CLOCK: variants seen among roughly 807,000 people sequenced by gnomAD.
CLOCK encodes the protein circadian locomoter output cycles protein kaput.
A neutral mutation model predicts 118.4 loss-of-function variants in CLOCK; 43 were observed. The observed-to-expected ratio is 0.36, with a 90% CI of 0.28 to 0.47. The LOEUF (loss-of-function observed/expected upper bound fraction) is 0.47, where lower values mean the gene tolerates loss of function less well. Among genes scored for constraint, CLOCK ranks in the 20% least tolerant of loss-of-function variants. CLOCK has a pLI of 1.00. For synonymous variants in CLOCK, 326 were observed against 339.2 expected (o/e 0.96, Z 0.43); for missense variants, 846 against 999.9 (o/e 0.85, Z 2.08).
intron 5 of CLOCK, 65 bp from the exon 6 acceptor site, chr4:55,479,028 A>G (rs1726734623): frequency 2.3e-6 from 3 of 1,323,346 alleles, no homozygotes; most frequent in Non-Finnish European, 3.2e-6. Context: ...GTTTAATACA[A>G]TGTTAATTTA....
intron 1 of CLOCK, among the ~76,000 whole-genome samples, chr4:55,522,915 G>T (rs1447040998): frequency 6.6e-6 from 1 of 152,192 alleles, no homozygotes; most frequent in Admixed American, 6.5e-5. Context: ...CAAATCTGAA[G>T]GGGCTCCTAC....
chr4:55,441,826 G>C (rs373998321), intron 21 of CLOCK, among the ~76,000 whole-genome samples: 1 of 152,140 alleles, frequency 6.6e-6, no homozygotes, highest in East Asian at 1.9e-4. Context: ...TGTTTTTCCA[G>C]AGCAGTCCAC....
intron 15 of CLOCK, among the ~76,000 whole-genome samples, chr4:55,451,560 G>A (rs1724459013): frequency 6.6e-6 from 1 of 152,116 alleles, no homozygotes; most frequent in South Asian, 2.1e-4. Context: ...TAAACCCCAG[G>A]GGGATCATGA....
At chr4:55,459,773 CT>C in intron 9 of CLOCK, among the ~76,000 whole-genome samples, 1 of 152,140 alleles carries the variant, frequency 6.6e-6, no homozygotes, top group African/African-American at 2.4e-5. Context: ...AGTGAGCCCC[CT>C]GCCTCAGCCT....
In CLOCK at chr4:55,442,548, G is replaced by A. The variant is rs762546843; in HGVS notation, c.1989C>T (p.Asn663=). Residue 663 remains asparagine (N), a synonymous_variant, in exon 21 of 23, where the codon AAC becomes AAT. Transcript: ENST00000513440. ...CTGCAGGCTGAGAAATCACCATAGT[G>A]TTATACAGTGGGGCTGTAAGAGTGC... ...TQSTLTAPLY[N]TMVISQPAAG... The A allele has an allele frequency of 1.2e-6, 2 of 1,611,336 alleles. No homozygotes were observed. The highest frequency in any genetic ancestry group is 8.5e-7 in the Non-Finnish European group (1 of 1,179,564).
intron 22 of CLOCK, among the ~76,000 whole-genome samples, chr4:55,437,474 T>C (rs895873319): frequency 2.6e-5 from 4 of 152,218 alleles, no homozygotes; most frequent in Non-Finnish European, 5.9e-5. Flanking sequence ...GTGACTTTCT[T>C]CTGTATCCTA....
At chr4:55,494,430 G>T (rs937377850) in intron 2 of CLOCK, among the ~76,000 whole-genome samples, 3 of 152,098 alleles carry the variant, frequency 2.0e-5, no homozygotes, top group South Asian at 2.1e-4. Flanking sequence ...TATCCAAGTG[G>T]GTCCAAAATA....
chr4:55,511,779 A>G (rs1169009342), intron 1 of CLOCK, among the ~76,000 whole-genome samples: 1 of 151,688 alleles, frequency 6.6e-6, no homozygotes, highest in Non-Finnish European at 1.5e-5. Flanking sequence ...CCCCTCACTA[A>G]CCCCTACACC....
rs1411843955 is a variant in CLOCK at position 55,430,539 on chromosome 4, C to T, written c.*4876G>A. On this transcript the variant is annotated 3_prime_UTR_variant, in exon 23 of 23. Coordinates refer to ENST00000513440, the MANE Select transcript of CLOCK (RefSeq NM_004898.4). ...ACAAAATTCATCCCCAGTGTTTCCA[C>T]AGGAGACATTAAAATTAAAGACCAA... is the stretch of plus-strand genomic sequence containing the variant. 2.6e-5 allele frequency: 4 copies of T among 152,186 alleles called. No homozygotes were observed. Among genetic ancestry groups the T allele is most frequent in the African/African-American group, 9.7e-5 (4 of 41,444 alleles). 9.4% of individuals were successfully genotyped at this position (152,186 alleles called of 1,614,324 possible). A position where few individuals can be genotyped will look rare whatever the true frequency, so the allele number is the denominator to read the frequency against.
intron 2 of CLOCK, among the ~76,000 whole-genome samples, chr4:55,507,984 T>A (rs141338923): frequency 6.6e-6 from 1 of 152,052 alleles, no homozygotes; most frequent in East Asian, 1.9e-4. Context: ...AGCAATTAGA[T>A]TCAGAGTGGT....
intron 8 of CLOCK, among the ~76,000 whole-genome samples, chr4:55,468,038 G>A (rs1356516734): frequency 6.6e-6 from 1 of 152,164 alleles, no homozygotes; most frequent in Non-Finnish European, 1.5e-5. Flanking sequence ...AGAGTAATCA[G>A]AGGGAGAGAA....
At chr4:55,517,306 C>G (rs550652543) in intron 1 of CLOCK, among the ~76,000 whole-genome samples, 1 of 152,156 alleles carries the variant, frequency 6.6e-6, no homozygotes, top group East Asian at 1.9e-4. Context: ...GTCAGGAGAT[C>G]GAGACCATCC....
chr4:55,453,768 G>C lies in CLOCK; in HGVS notation c.1039C>G (p.Gln347Glu). The C allele has an allele frequency of 6.2e-7, 1 of 1,610,130 alleles. No individual in the cohort carries two copies. Among genetic ancestry groups the C allele is most frequent in the Non-Finnish European group, 8.5e-7 (1 of 1,177,692 alleles). ...CYYRFLTKGQ[Q>E]WIWLQTHYYI... ...TAATGAGTCTGAAGCCAAATCCACT[G>C]TTGCCCCTTAGTCAGGAACCTATAA... Residue 347 changes from glutamine to glutamate, a missense_variant, in exon 14 of 23, where the codon CAG becomes GAG. Around this residue, in one of 4 missense-constraint regions of CLOCK, gnomAD observed 66 missense variants for 99.4 expected, o/e 0.66. Coordinates refer to ENST00000513440, the MANE Select transcript of CLOCK (RefSeq NM_004898.4).
rs1560411705 is a variant in CLOCK, at chr4:55,438,332, G to T, written c.2311C>A (p.Gln771Lys). Residue 771 changes from glutamine to lysine, a missense_variant, in exon 22 of 23, where the codon CAG becomes AAG. By Grantham distance (53) the Gln-to-Lys change is moderately conservative. Around this residue, in one of 4 missense-constraint regions of CLOCK, gnomAD observed 520 missense variants for 558.0 expected, o/e 0.93. Coordinates refer to ENST00000513440, the MANE Select transcript of CLOCK (RefSeq NM_004898.4). The part of the protein sequence containing the change: ...SSQEQQLTSV[Q>K]QPSQAQLTQP... ...GTCAGCTGAGCCTGAGATGGTTGCT[G>T]AACTGAAGTGAGCTGCTGCTCCTGG... 2.5e-6 allele frequency: 4 copies of T among 1,613,954 alleles called. No individual in the cohort carries two copies. Among genetic ancestry groups the T allele is most frequent in the Admixed American group, 3.3e-5 (2 of 59,972 alleles).
chr4:55,478,242 T>C (rs143427047), intron 6 of CLOCK, among the ~76,000 whole-genome samples: 1 of 152,262 alleles, frequency 6.6e-6, no homozygotes, highest in East Asian at 1.9e-4. Context: ...TATTAACAAA[T>C]ACTTTATTTT....
At chr4:55,527,246 G>A (rs527985905) in intron 1 of CLOCK, among the ~76,000 whole-genome samples, 11 of 152,212 alleles carry the variant, frequency 7.2e-5, no homozygotes, top group Admixed American at 1.3e-4. Flanking sequence ...TATTAGAAGA[G>A]GGTAAGGAGA....
intron 8 of CLOCK, among the ~76,000 whole-genome samples, chr4:55,465,124 A>G (rs894223410): frequency 6.6e-6 from 1 of 152,222 alleles, no homozygotes; most frequent in Non-Finnish European, 1.5e-5. Flanking sequence ...GATCAAAACT[A>G]TTCAGGAAAA....
At position 55,459,256 on chromosome 4, in the gene CLOCK, T is replaced by A. The variant is rs775048439; in HGVS notation, c.565A>T (p.Asn189Tyr). 6.3e-7 allele frequency: 1 copy of A among 1,594,928 alleles called. No individual in the cohort carries two copies. The highest frequency in any genetic ancestry group is 8.6e-7 in the Non-Finnish European group (1 of 1,162,880). The change falls in exon 10 of 23, where the codon AAT (asparagine) becomes TAT (tyrosine). Residue 189 changes from asparagine to tyrosine, a missense_variant. This residue lies in a region of CLOCK where 246 missense variants were observed against 300.2 expected (regional missense o/e 0.82). Coordinates refer to ENST00000513440, the MANE Select transcript of CLOCK (RefSeq NM_004898.4). Reference protein sequence around the residue: ...SLTPEYLKSKNQLEFCCHMLR... With the variant: ...SLTPEYLKSKYQLEFCCHMLR... ...ATGTGACAACAGAATTCTAACTGAT[T>A]TTTTGCTGAAATAAAAGAGATTTTA...
intron 1 of CLOCK, among the ~76,000 whole-genome samples, chr4:55,538,195 T>C (rs533609391): frequency 6.6e-6 from 1 of 152,270 alleles, no homozygotes. Flanking sequence ...TTGCAATAAA[T>C]GCAACAAGTT....
Sources: gnomAD v4.1 joint callset for allele counts (sites outside exome capture counted in the v4.1 genomes callset) on GRCh38, gnomAD v4.1.1 for gene constraint, gnomAD v4.1.1 regional missense constraint, MANE v1.5 for transcripts, NCBI Gene and HGNC (gene_info 2026-07-23, HGNC 2026-07-21) for gene names.